The following SLC35F3 variants were observed in gnomAD, a reference collection of about 807,000 sequenced individuals.
SLC35F3 encodes solute carrier family 35 member F3.
SLC35F3 carries 25 observed loss-of-function variants against 49.9 expected under a neutral mutation model. The observed-to-expected ratio is 0.50, with a 90% CI of 0.37 to 0.70. The LOEUF (loss-of-function observed/expected upper bound fraction) is 0.70. Ranked by LOEUF, SLC35F3 falls within the 30% of genes least tolerant of loss-of-function variation. The pLI, the probability that SLC35F3 is intolerant of heterozygous loss-of-function variation, is 0.00. For missense variants in SLC35F3, 525 were observed against 639.8 expected, an observed-to-expected ratio of 0.82 and a Z score of 1.94; for synonymous variants, 275 against 265.4, an observed-to-expected ratio of 1.04 and a Z score of -0.35.
intron 2 of SLC35F3, among the ~76,000 whole-genome samples, chr1:234,199,090 TG>T (rs1488260269): frequency 6.6e-6 from 1 of 151,266 alleles, no homozygotes; most frequent in African/African-American, 2.4e-5. Flanking sequence ...TGGCCAGTTA[TG>T]GTGGTGCATG....
intron 2 of SLC35F3, among the ~76,000 whole-genome samples, chr1:234,175,234 G>A (rs1373591314): frequency 6.6e-6 from 1 of 152,190 alleles, no homozygotes; most frequent in Non-Finnish European, 1.5e-5. Flanking sequence ...AGCAGTATCT[G>A]CCCTGGGAAA....
At chr1:234,220,092 G>A (rs1471837482) in intron 2 of SLC35F3, among the ~76,000 whole-genome samples, 1 of 152,188 alleles carries the variant, frequency 6.6e-6, no homozygotes, top group African/African-American at 2.4e-5. Context: ...AACAGGGGGA[G>A]CCAGAGAAGA....
chr1:234,092,064 C>T (rs1665050686), intron 2 of SLC35F3, among the ~76,000 whole-genome samples: 1 of 152,204 alleles, frequency 6.6e-6, no homozygotes, highest in Non-Finnish European at 1.5e-5. Context: ...TAAAATTTCA[C>T]TTCCAGGAGC....
At chr1:234,266,878 T>G (rs1045018976) in intron 3 of SLC35F3, among the ~76,000 whole-genome samples, 26 of 148,522 alleles carry the variant, frequency 1.8e-4, no homozygotes, top group African/African-American at 6.2e-4. Context: ...ACATGGTTTT[T>G]TTTTTTTTTT....
At chr1:234,255,959 TTAATAA>T (rs1572118408) in intron 3 of SLC35F3, among the ~76,000 whole-genome samples, 1 of 152,102 alleles carries the variant, frequency 6.6e-6, no homozygotes, top group African/African-American at 2.4e-5. Context: ...CAGGCTTTAG[TTAATAA>T]TAAAAAATCA....
At chr1:233,918,816 C>CTA (rs35271968) in intron 2 of SLC35F3, among the ~76,000 whole-genome samples, 4 of 140,418 alleles carry the variant, frequency 2.8e-5, no homozygotes, top group African/African-American at 8.7e-5. Flanking sequence ...CTCTCTCTCT[C>CTA]TATATATATA....
intron 2 of SLC35F3, among the ~76,000 whole-genome samples, chr1:234,014,101 C>G (rs1663765947): frequency 1.3e-5 from 2 of 151,928 alleles, no homozygotes; most frequent in African/African-American, 4.8e-5. Context: ...AATAAAATAC[C>G]AGCAAACAAT....
chr1:234,019,953 C>G (rs970886068), intron 2 of SLC35F3, among the ~76,000 whole-genome samples: 1 of 152,194 alleles, frequency 6.6e-6, no homozygotes, highest in Admixed American at 6.5e-5. Context: ...TGAAGGTTCA[C>G]TCAAGGGCAA....
At chr1:234,149,848 C>A (rs915064596) in intron 2 of SLC35F3, among the ~76,000 whole-genome samples, 5 of 152,242 alleles carry the variant, frequency 3.3e-5, no homozygotes, top group African/African-American at 1.2e-4. Context: ...AAATGCTTTG[C>A]CATTCAAAAT....
chr1:234,207,502 ATAATGGT>A (rs1323150772), intron 2 of SLC35F3, among the ~76,000 whole-genome samples: 1 of 6,238 alleles, frequency 1.6e-4, no homozygotes, highest in Non-Finnish European at 3.0e-4. Context: ...GACATGAAAG[ATAATGGT>A]TAAGATCTTT....
At chr1:234,012,812 G>T (rs7548651) in intron 2 of SLC35F3, among the ~76,000 whole-genome samples, 53,762 of 151,912 alleles carry the variant, frequency 0.35, 10,960 homozygotes, top group African/African-American at 0.55. Context: ...CTCTTTCTTT[G>T]CCCTACAAGC....
chr1:233,906,610 G>A (rs990966314), intron 2 of SLC35F3, among the ~76,000 whole-genome samples: 1 of 152,090 alleles, frequency 6.6e-6, no homozygotes. Context: ...TGAGAAATGG[G>A]CCTTGACGTC....
At chr1:234,232,319 G>C (rs1667391644) in intron 3 of SLC35F3, among the ~76,000 whole-genome samples, 1 of 151,834 alleles carries the variant, frequency 6.6e-6, no homozygotes, top group Admixed American at 6.6e-5. Flanking sequence ...TTGGAATGAC[G>C]TCCCTTTCAA....
At chr1:233,924,469 T>G (rs1230655050) in intron 2 of SLC35F3, among the ~76,000 whole-genome samples, 1 of 152,246 alleles carries the variant, frequency 6.6e-6, no homozygotes, top group Non-Finnish European at 1.5e-5. Context: ...TAGTTTGTAT[T>G]TCTGTGGGAT....
intron 2 of SLC35F3, among the ~76,000 whole-genome samples, chr1:234,044,211 G>T (rs1664259882): frequency 6.6e-6 from 1 of 152,148 alleles, no homozygotes; most frequent in Non-Finnish European, 1.5e-5. Flanking sequence ...CTTCTTCCAT[G>T]CCCTGCTCAA....
intron 3 of SLC35F3, among the ~76,000 whole-genome samples, chr1:234,287,470 G>A (rs681685): frequency 0.68 from 103,654 of 152,036 alleles, 35,531 homozygotes; most frequent in East Asian, 0.75. Flanking sequence ...TTCCTAAGGA[G>A]GGGTATATGT....
At chr1:234,123,576 A>ATTTTTTTT (rs71170464) in intron 2 of SLC35F3, among the ~76,000 whole-genome samples, 2 of 146,616 alleles carry the variant, frequency 1.4e-5, no homozygotes, top group Admixed American at 6.8e-5. Context: ...TGCCTGGTTA[A>ATTTTTTTT]TTTTTTTTTT....
At chr1:234,099,999 T>C (rs1265969961) in intron 2 of SLC35F3, among the ~76,000 whole-genome samples, 1 of 152,250 alleles carries the variant, frequency 6.6e-6, no homozygotes, top group Non-Finnish European at 1.5e-5. Context: ...ATCCACATAC[T>C]ACTTTATATT....
chr1:234,323,526 G>A lies in SLC35F3; in HGVS notation c.*283G>A, dbSNP rs1349922789. ...GCGTAGATCGTTTTGGATGGCTGAC[G>A]TTCTTGACAAGCCAGCCATCAGGGC... On this transcript the variant is annotated 3_prime_UTR_variant, in exon 8 of 8. Coordinates refer to ENST00000366618, the MANE Select transcript of SLC35F3 (RefSeq NM_173508.4). This position sits in a 1 kb window ranked among gnomAD's most constrained non-coding sequence, Gnocchi z 4.5. 9 of 444,054 alleles carry A rather than the reference G, an allele frequency of 2.0e-5. No homozygotes were observed. The highest frequency in any genetic ancestry group is 3.2e-5 in the Non-Finnish European group (8 of 247,062). The allele number at this position is 444,054 out of a possible 1,614,324, so 27.5% of individuals were successfully genotyped here. A position where few individuals can be genotyped will look rare whatever the true frequency, so the allele number is the denominator to read the frequency against.
Sources: gnomAD v4.1 joint callset for allele counts (sites outside exome capture counted in the v4.1 genomes callset) on GRCh38, gnomAD v4.1.1 for gene constraint, Gnocchi (gnomAD v3.1) non-coding constraint, MANE v1.5 for transcripts, NCBI Gene and HGNC (gene_info 2026-07-23, HGNC 2026-07-21) for gene names.